The following MTO1 variants were observed in gnomAD, a reference collection of about 807,000 sequenced individuals.
MTO1 encodes mitochondrial tRNA translation optimization 1.
A neutral mutation model predicts 71.6 loss-of-function variants in MTO1; 46 were observed. The observed-to-expected ratio is 0.64, with a 90% CI of 0.51 to 0.82. The LOEUF is 0.82. Ranked by LOEUF, MTO1 falls within the 40% of genes least tolerant of loss-of-function variation. The pLI, the probability that MTO1 is intolerant of heterozygous loss-of-function variation, is 0.00. For synonymous variants in MTO1, 297 were observed against 312.1 expected (o/e 0.95, Z 0.51); for missense variants, 773 against 867.5 (o/e 0.89, Z 1.37).
chr6:73,481,314 T>C (rs1318477846), intron 7 of MTO1, among the ~76,000 whole-genome samples: 1 of 152,136 alleles, frequency 6.6e-6, no homozygotes, highest in Non-Finnish European at 1.5e-5. Context: ...CTGTGTGATA[T>C]CATATTTTGA....
intron 1 of MTO1, 84 bp from the exon 2 acceptor site, chr6:73,466,125 C>A: frequency 8.7e-7 from 1 of 1,150,176 alleles, no homozygotes; most frequent in Non-Finnish European, 1.3e-6. Flanking sequence ...TGATTATAGT[C>A]ACCTGTATAA....
rs542641173 is a variant in MTO1 at position 73,507,141 on chromosome 6, G to A, written c.*6406G>A. On this transcript the variant is annotated 3_prime_UTR_variant, in exon 12 of 12. Transcript: ENST00000498286. ...AACATCTTAGATGCAATGAAATACA[G>A]TGTGTGTGTTTGTATTGTGCTGCAA... is the stretch of plus-strand genomic sequence containing the variant. 6.6e-6 allele frequency: 1 copy of A among 152,044 alleles called. No homozygotes were observed. Among genetic ancestry groups the A allele is most frequent in the Admixed American group, 6.6e-5 (1 of 15,252 alleles). The allele number at this position is 152,044 out of a possible 1,614,324, so 9.4% of individuals were successfully genotyped here.
intron 11 of MTO1, among the ~76,000 whole-genome samples, chr6:73,499,984 T>A (rs1302480673): frequency 6.6e-6 from 1 of 152,202 alleles, no homozygotes; most frequent in Non-Finnish European, 1.5e-5. Context: ...CAAAAACATA[T>A]GGCTTCAAGG....
intron 6 of MTO1, 127 bp from the exon 7 acceptor site, chr6:73,480,548 G>C (rs192703057): frequency 8.2e-7 from 1 of 1,212,252 alleles, no homozygotes; most frequent in Non-Finnish European, 1.2e-6. Context: ...GAGATTACAG[G>C]TGTGAGCCAC....
chr6:73,468,200 G>T (rs1204576251), intron 3 of MTO1, among the ~76,000 whole-genome samples: 1 of 147,138 alleles, frequency 6.8e-6, no homozygotes, highest in Non-Finnish European at 1.5e-5. Flanking sequence ...TCACTGCAAC[G>T]TTCCCCTCCC....
chr6:73,489,906 CAGTGTAAA>C (rs949886209), intron 9 of MTO1, among the ~76,000 whole-genome samples: 3 of 152,202 alleles, frequency 2.0e-5, no homozygotes, highest in Non-Finnish European at 4.4e-5. Context: ...GTTCCACCAA[CAGTGTAAA>C]AGTGTTCCTA....
chr6:73,480,800 G>T lies in MTO1; in HGVS notation c.1255G>T (p.Ala419Ser). Residue 419 changes from alanine to serine, a missense_variant, in exon 7 of 12, where the codon GCT becomes TCT. Transcript: ENST00000498286. ...CACCACTGGTTATGAGGAAGCTGCA[G>T]CTCAAGTAAGAAGTTAAGATATTAA... ...NGTTGYEEAA[A>S]QGVIAGINAS... The T allele has an allele frequency of 1.9e-6, 3 of 1,613,788 alleles. No homozygotes were observed. Among genetic ancestry groups the T allele is most frequent in the Non-Finnish European group, 2.5e-6 (3 of 1,179,900 alleles).
At chr6:73,474,631 A>G (rs1413458719) in intron 4 of MTO1, among the ~76,000 whole-genome samples, 4 of 151,576 alleles carry the variant, frequency 2.6e-5, no homozygotes, top group Non-Finnish European at 5.9e-5. Context: ...ATAGTTTTGT[A>G]GAGACGGGGT....
In MTO1 at chr6:73,503,469, T is replaced by A. The variant is rs911346340; in HGVS notation, c.*2734T>A. The A allele has an allele frequency of 2.0e-5, 3 of 152,194 alleles. No homozygotes were observed. The highest frequency in any genetic ancestry group is 7.2e-5 in the African/African-American group (3 of 41,458). The allele number at this position is 152,194 out of a possible 1,614,324, so 9.4% of individuals were successfully genotyped here. On this transcript the variant is annotated 3_prime_UTR_variant, in exon 12 of 12. Transcript: ENST00000498286. ...GTTAACTTAAACAAAATTACATCACTTAATATGTCAAAACAGCCTACCCTC... is the reference window on the plus strand; with the variant it reads ...GTTAACTTAAACAAAATTACATCACATAATATGTCAAAACAGCCTACCCTC...
chr6:73,480,806 GT>G lies in MTO1; in HGVS notation c.1260+2del. On this transcript the variant is annotated splice_donor_variant, in intron 7 of 11. Transcript: ENST00000498286. LOFTEE classifies it high-confidence loss of function. ...TGGTTATGAGGAAGCTGCAGCTCAA[GT>G]AAGAAGTTAAGATATTAATGTAAAC... 1 of 1,613,752 alleles carries G rather than the reference GT, an allele frequency of 6.2e-7. No homozygotes were observed. Among genetic ancestry groups the G allele is most frequent in the Non-Finnish European group, 8.5e-7 (1 of 1,179,856 alleles).
chr6:73,472,553 TTGTC>T (rs1362361615), intron 3 of MTO1, among the ~76,000 whole-genome samples: 4 of 152,296 alleles, frequency 2.6e-5, no homozygotes, highest in Non-Finnish European at 4.4e-5. Flanking sequence ...TTAAAATTCT[TTGTC>T]TGGGGTAGGG....
Position 73,505,187 on chromosome 6 carries a change from A to AT in MTO1, c.*4452_*4453insT, listed in dbSNP as rs1323006434. On this transcript the variant is annotated 3_prime_UTR_variant, in exon 12 of 12. Coordinates refer to ENST00000498286, the MANE Select transcript of MTO1 (RefSeq NM_012123.4). ...CAACAGAGCAAGACTGTCTCAAAAA[A>AT]AAAAAATTTGTACAGTCATGTTCAA... 16 of 152,200 alleles carry AT rather than the reference A, an allele frequency of 1.1e-4. No homozygotes were observed. Among genetic ancestry groups the AT allele is most frequent in the Non-Finnish European group, 2.1e-4 (14 of 68,076 alleles). 9.4% of individuals were successfully genotyped at this position (152,200 alleles called of 1,614,324 possible). A position where few individuals can be genotyped will look rare whatever the true frequency, so the allele number is the denominator to read the frequency against.
intron 11 of MTO1, among the ~76,000 whole-genome samples, chr6:73,499,021 C>T (rs756698297): frequency 1.3e-5 from 2 of 152,160 alleles, no homozygotes; most frequent in African/African-American, 4.8e-5. Flanking sequence ...GCCACCGTGC[C>T]TGGCCAGTTG....
In MTO1 at chr6:73,482,116, A is replaced by T; in HGVS notation, c.1337A>T (p.Tyr446Phe). Reference sequence around the variant, plus strand: ...TTTGTGGTTAGCCGAACAGAAGGTTACATAGGAGTCTTGATTGATGACCTC... The same window carrying T: ...TTTGTGGTTAGCCGAACAGAAGGTTTCATAGGAGTCTTGATTGATGACCTC... ...PPFVVSRTEG[Y>F]IGVLIDDLTT... The change falls in exon 8 of 12, where the codon TAC becomes TTC. Residue 446 changes from tyrosine (Y) to phenylalanine (F), a missense_variant. Tyr to Phe is a conservative substitution (Grantham distance 22). Transcript: ENST00000498286. 6.2e-7 allele frequency: 1 copy of T among 1,614,176 alleles called. No homozygotes were observed.
rs1772264931 is a variant in MTO1 at position 73,505,626 on chromosome 6, G to C, written c.*4891G>C. On this transcript the variant is annotated 3_prime_UTR_variant, in exon 12 of 12. Coordinates refer to ENST00000498286, the MANE Select transcript of MTO1 (RefSeq NM_012123.4). ...GCTGGAGTGCAATGGTGTGATCTTGGTTCACTGCAACCTCTGCCTCCTAGG... is the reference window on the plus strand; with the variant it reads ...GCTGGAGTGCAATGGTGTGATCTTGCTTCACTGCAACCTCTGCCTCCTAGG... The C allele has an allele frequency of 6.6e-6, 1 of 152,154 alleles. No homozygotes were observed. The highest frequency in any genetic ancestry group is 1.5e-5 in the Non-Finnish European group (1 of 68,032). 9.4% of individuals were successfully genotyped at this position (152,154 alleles called of 1,614,324 possible). A position where few individuals can be genotyped will look rare whatever the true frequency, so the allele number is the denominator to read the frequency against.
intron 9 of MTO1, among the ~76,000 whole-genome samples, chr6:73,485,010 G>T (rs1771610613): frequency 6.8e-6 from 1 of 147,692 alleles, no homozygotes; most frequent in Non-Finnish European, 1.5e-5. Context: ...TCACACCACT[G>T]CACTCCAGCC....
rs1272015147 is a variant in MTO1 at position 73,500,557 on chromosome 6, G to A, written c.1918-17G>A. 1 of 1,607,752 alleles carries A rather than the reference G, an allele frequency of 6.2e-7. No individual in the cohort carries two copies. The highest frequency in any genetic ancestry group is 8.5e-7 in the Non-Finnish European group (1 of 1,177,262). On this transcript the variant is annotated splice_polypyrimidine_tract_variant and intron_variant, in intron 11 of 11. Coordinates refer to ENST00000498286, the MANE Select transcript of MTO1 (RefSeq NM_012123.4). Reference sequence around the variant, plus strand: ...TAGCATAGCTCACTTAGTTTCTCTTGTGGTATTGATTTTTAGATCGGGGCT... The same window carrying A: ...TAGCATAGCTCACTTAGTTTCTCTTATGGTATTGATTTTTAGATCGGGGCT...
intron 2 of MTO1, 32 bp downstream of exon 2, chr6:73,466,440 A>T (rs763510274): frequency 1.2e-5 from 19 of 1,613,212 alleles, no homozygotes; most frequent in Non-Finnish European, 1.6e-5. Context: ...AGGAAAGATT[A>T]TAGTGATTGT....
chr6:73,492,063 C>T (rs915609548), intron 9 of MTO1, 171 bp from the exon 10 acceptor site: 8 of 498,980 alleles, frequency 1.6e-5, no homozygotes, highest in Non-Finnish European at 2.9e-5. Context: ...GATTGTACCA[C>T]TGCACTACAG....
Sources: gnomAD v4.1 joint callset for allele counts (sites outside exome capture counted in the v4.1 genomes callset) on GRCh38, gnomAD v4.1.1 for gene constraint, MANE v1.5 for transcripts, NCBI Gene and HGNC (gene_info 2026-07-23, HGNC 2026-07-21) for gene names.